The following GAS7 variants were observed in gnomAD, a reference collection of about 807,000 sequenced individuals.
GAS7 encodes the protein growth arrest specific 7, also known as growth arrest-specific protein 7.
Under a neutral mutation model 71.1 loss-of-function variants are expected in GAS7, and 28 were observed. That is an observed-to-expected ratio of 0.39 (90% CI 0.29 to 0.54). The LOEUF (loss-of-function observed/expected upper bound fraction) is 0.54. Ranked by LOEUF, GAS7 falls within the 20% of genes least tolerant of loss-of-function variation. GAS7 has a pLI of 0.62. For synonymous variants in GAS7, 258 were observed against 245.8 expected, an observed-to-expected ratio of 1.05 and a Z score of -0.46; for missense variants, 436 against 627.8, an observed-to-expected ratio of 0.69 and a Z score of 3.27.
intron 1 of GAS7, among the ~76,000 whole-genome samples, chr17:10,120,848 G>A (rs912239788): frequency 1.1e-4 from 17 of 152,216 alleles, no homozygotes; most frequent in African/African-American, 4.1e-4. Context: ...GGGGGAGGGA[G>A]GGTGGAGAAC....
intron 1 of GAS7, among the ~76,000 whole-genome samples, chr17:10,068,039 T>G (rs1203293692): frequency 1.3e-5 from 2 of 152,214 alleles, no homozygotes; most frequent in African/African-American, 4.8e-5. Flanking sequence ...ATTTTGGGAT[T>G]GTGCTCTGTC....
At chr17:10,161,497 C>T (rs2074255974) in intron 1 of GAS7, among the ~76,000 whole-genome samples, 1 of 152,192 alleles carries the variant, frequency 6.6e-6, no homozygotes. Flanking sequence ...CAGTAGGTGC[C>T]ATCTTGTCCT....
At chr17:10,071,467 G>A (rs2073338937) in intron 1 of GAS7, among the ~76,000 whole-genome samples, 2 of 152,166 alleles carry the variant, frequency 1.3e-5, no homozygotes, top group Admixed American at 6.5e-5. Context: ...CAGACATGAG[G>A]AGGTGGGTGC....
intron 2 of GAS7, among the ~76,000 whole-genome samples, chr17:10,000,073 T>C (rs1172806243): frequency 6.6e-6 from 1 of 152,188 alleles, no homozygotes; most frequent in African/African-American, 2.4e-5. Context: ...GACTAAGACT[T>C]GGTCTGTTTC....
intron 1 of GAS7, among the ~76,000 whole-genome samples, chr17:10,183,917 G>C (rs61598307): frequency 4.0e-5 from 6 of 151,580 alleles, no homozygotes; most frequent in African/African-American, 1.5e-4. Flanking sequence ...GGATTTGTAC[G>C]CAGACCTGCC....
chr17:10,107,312 G>C (rs963128251), intron 1 of GAS7, among the ~76,000 whole-genome samples: 1 of 152,178 alleles, frequency 6.6e-6, no homozygotes, highest in Non-Finnish European at 1.5e-5. Context: ...AACCTTTATA[G>C]GAACGGCCCC....
chr17:10,128,681 G>A (rs1245848911), intron 1 of GAS7, among the ~76,000 whole-genome samples: 2 of 149,804 alleles, frequency 1.3e-5, no homozygotes, highest in East Asian at 2.0e-4. Context: ...GTGCAGCGGC[G>A]TGATCTCGGC....
chr17:10,104,445 G>T (rs567173916), intron 1 of GAS7, among the ~76,000 whole-genome samples: 2 of 152,216 alleles, frequency 1.3e-5, no homozygotes, highest in African/African-American at 4.8e-5. Context: ...CCCTGTAGTG[G>T]CCTGACCCTG....
chr17:10,013,885 C>T (rs550240794), intron 2 of GAS7, among the ~76,000 whole-genome samples: 1 of 152,142 alleles, frequency 6.6e-6, no homozygotes, highest in Non-Finnish European at 1.5e-5. Flanking sequence ...GCTGCAAGGC[C>T]CCGGGTGATC....
intron 2 of GAS7, among the ~76,000 whole-genome samples, chr17:10,009,180 G>A (rs2152185598): frequency 6.6e-6 from 1 of 151,580 alleles, no homozygotes; most frequent in South Asian, 2.1e-4. Context: ...AATTAGCCGG[G>A]CGTAGTGGCG....
intron 1 of GAS7, among the ~76,000 whole-genome samples, chr17:10,179,158 G>A (rs1012760467): frequency 6.6e-6 from 1 of 151,774 alleles, no homozygotes; most frequent in Admixed American, 6.6e-5. Flanking sequence ...GGAGAAACTC[G>A]GTCTCTACTA....
At chr17:10,143,016 C>A (rs1169520228) in intron 1 of GAS7, among the ~76,000 whole-genome samples, 12 of 140,248 alleles carry the variant, frequency 8.6e-5, no homozygotes, top group Non-Finnish European at 1.1e-4. Flanking sequence ...ACTAAAAATA[C>A]AAAAAAAAAA....
chr17:9,919,652 A>G lies in GAS7; in HGVS notation c.1192T>C (p.Phe398Leu). The G allele has an allele frequency of 6.2e-7, 1 of 1,613,466 alleles. No individual in the cohort carries two copies. Among genetic ancestry groups the G allele is most frequent in the Non-Finnish European group, 8.5e-7 (1 of 1,179,576 alleles). ...AATGTGGTGGTCACCATCTCTTCAA[A>G]CCATTTGGACTGGGCCTGGTTGTAG... is the stretch of plus-strand genomic sequence containing the variant. The part of the protein sequence containing the change: ...DLYNQAQSKW[F>L]EEMVTTTLEL... The change falls in exon 12 of 14, where the codon TTT becomes CTT. Residue 398 changes from phenylalanine to leucine, a missense_variant. By Grantham distance (22) the Phe-to-Leu change is conservative. Transcript: ENST00000432992. The surrounding 1 kb of genome is among the most constrained non-coding windows in gnomAD (Gnocchi z 5.0).
At chr17:10,057,083 C>T (rs191955445) in intron 1 of GAS7, among the ~76,000 whole-genome samples, 3 of 152,190 alleles carry the variant, frequency 2.0e-5, no homozygotes, top group East Asian at 1.9e-4. Context: ...GACGGAGTCT[C>T]GTTCACTCAG....
chr17:9,939,522 G>C (rs1283604599), intron 8 of GAS7, among the ~76,000 whole-genome samples: 1 of 152,170 alleles, frequency 6.6e-6, no homozygotes, highest in Non-Finnish European at 1.5e-5. Context: ...CTGCTGCCCA[G>C]CTACCAGGGG....
intron 1 of GAS7, among the ~76,000 whole-genome samples, chr17:10,089,463 C>A (rs943235558): frequency 4.6e-5 from 7 of 151,814 alleles, no homozygotes; most frequent in African/African-American, 1.5e-4. Flanking sequence ...CACAACCATT[C>A]CTGTGCTAAC....
intron 11 of GAS7, among the ~76,000 whole-genome samples, chr17:9,920,637 A>G (rs988686455): frequency 3.3e-5 from 5 of 152,192 alleles, no homozygotes; most frequent in African/African-American, 1.2e-4. Flanking sequence ...CAGAGACTGC[A>G]TGTTTATGAG....
chr17:10,074,547 T>C lies in GAS7; in HGVS notation c.184-54650A>G, dbSNP rs564248768. Among the ~76,000 whole-genome samples the C allele has an allele frequency of 2.0e-5, 3 of 152,354 alleles. 1 individual carries two copies. The East Asian group carries it at 5.8e-4, about 29-fold the overall frequency. Reference sequence around the variant, plus strand: ...AACTCCCTGGTTATTTGTTCTCTCCTGCCACTGACAATTTTCCAGGAAAAT... The same window carrying C: ...AACTCCCTGGTTATTTGTTCTCTCCCGCCACTGACAATTTTCCAGGAAAAT... On this transcript the variant is annotated intron_variant, in intron 1 of 13. Transcript: ENST00000432992.
At chr17:10,073,189 C>T (rs536032863) in intron 1 of GAS7, among the ~76,000 whole-genome samples, 1 of 152,212 alleles carries the variant, frequency 6.6e-6, no homozygotes, top group South Asian at 2.1e-4. Flanking sequence ...CAGGACTCGA[C>T]GTGTCCCAAC....
Sources: allele counts gnomAD v4.1 joint callset (sites outside exome capture counted in the v4.1 genomes callset), GRCh38; gene constraint gnomAD v4.1.1; non-coding constraint Gnocchi (gnomAD v3.1); transcripts MANE v1.5; gene names NCBI Gene and HGNC (gene_info 2026-07-23, HGNC 2026-07-21).